KCNH7: variants seen among roughly 807,000 people sequenced by gnomAD.
The protein encoded by KCNH7 is voltage-gated inwardly rectifying potassium channel KCNH7.
Under a neutral mutation model 120.8 loss-of-function variants are expected in KCNH7, and 49 were observed. The ratio of observed to expected loss-of-function variants is 0.41; its 90% CI spans 0.32 to 0.51. The LOEUF is 0.51. KCNH7 is among the 20% of genes least tolerant of loss of function. The pLI, the probability that KCNH7 is intolerant of heterozygous loss-of-function variation, is 0.38. For missense variants in KCNH7, 1,097 were observed against 1,446.6 expected (o/e 0.76, Z 3.92); for synonymous variants, 547 against 516.1 (o/e 1.06, Z -0.81).
chr2:162,822,669 A>G (rs781123750), intron 2 of KCNH7, among the ~76,000 whole-genome samples: 1 of 152,252 alleles, frequency 6.6e-6, no homozygotes, highest in Non-Finnish European at 1.5e-5. Context: ...AATTATTTAA[A>G]GAAACTATTT....
At chr2:162,462,354 G>A (rs746680932) in intron 6 of KCNH7, among the ~76,000 whole-genome samples, 1 of 152,042 alleles carries the variant, frequency 6.6e-6, no homozygotes, top group African/African-American at 2.4e-5. Flanking sequence ...GTGTTTCATT[G>A]CTGTTTATTT....
At chr2:162,408,634 T>C (rs1176301852) in intron 9 of KCNH7, among the ~76,000 whole-genome samples, 1 of 151,924 alleles carries the variant, frequency 6.6e-6, no homozygotes, top group Non-Finnish European at 1.5e-5. Flanking sequence ...AGGAAAACAC[T>C]ATCTCCCCCT....
chr2:162,730,312 T>C (rs1173535847), intron 2 of KCNH7, among the ~76,000 whole-genome samples: 1 of 150,882 alleles, frequency 6.6e-6, no homozygotes, highest in Non-Finnish European at 1.5e-5. Context: ...TTCTCAGGTT[T>C]ATAAGTAAAA....
At chr2:162,745,231 G>A (rs553108449) in intron 2 of KCNH7, among the ~76,000 whole-genome samples, 1 of 152,224 alleles carries the variant, frequency 6.6e-6, no homozygotes, top group Non-Finnish European at 1.5e-5. Context: ...GAAATATGAA[G>A]CAATTTGACA....
chr2:162,422,910 G>T lies in KCNH7; in HGVS notation c.2154+426C>A, dbSNP rs547749738. ...CTCTCCTATAAGTTTTCAATTTCCT[G>T]TCTTTTAAAGTGTGTTAACCTGGGA... On this transcript the variant is annotated intron_variant, in intron 9 of 15. Transcript: ENST00000332142. Among the ~76,000 whole-genome samples the T allele has an allele frequency of 9.9e-5, 15 of 152,222 alleles. No homozygotes were observed. The South Asian group carries it at 3.1e-3, about 32-fold the overall frequency.
chr2:162,803,609 A>G (rs1684423562), intron 2 of KCNH7, among the ~76,000 whole-genome samples: 1 of 151,802 alleles, frequency 6.6e-6, no homozygotes, highest in African/African-American at 2.4e-5. Flanking sequence ...AAAAGTCATT[A>G]TTCATAGGCT....
intron 9 of KCNH7, among the ~76,000 whole-genome samples, chr2:162,403,346 T>G (rs889366632): frequency 6.6e-6 from 1 of 151,980 alleles, no homozygotes; most frequent in Non-Finnish European, 1.5e-5. Flanking sequence ...TTTCCTTGCA[T>G]CTCGCTATAA....
At chr2:162,426,370 C>T (rs1402929084) in intron 8 of KCNH7, among the ~76,000 whole-genome samples, 1 of 151,998 alleles carries the variant, frequency 6.6e-6, no homozygotes, top group Non-Finnish European at 1.5e-5. Flanking sequence ...GAATAAAATA[C>T]TTATGTTCTG....
At chr2:162,657,174 A>G (rs958427252) in intron 2 of KCNH7, among the ~76,000 whole-genome samples, 7 of 152,196 alleles carry the variant, frequency 4.6e-5, no homozygotes, top group Non-Finnish European at 8.8e-5. Context: ...TCCAAAGTCC[A>G]TAGTTTACTG....
intron 2 of KCNH7, among the ~76,000 whole-genome samples, chr2:162,733,101 T>C (rs1343447205): frequency 6.6e-6 from 1 of 152,160 alleles, no homozygotes; most frequent in African/African-American, 2.4e-5. Context: ...GCCAGGACTT[T>C]CCAGGAAGTG....
At chr2:162,772,214 G>T (rs919756780) in intron 2 of KCNH7, among the ~76,000 whole-genome samples, 1 of 152,166 alleles carries the variant, frequency 6.6e-6, no homozygotes, top group African/African-American at 2.4e-5. Context: ...TTAGAGAAAT[G>T]AGTTGAGGAC....
Position 162,518,274 on chromosome 2 carries a change from G to A in KCNH7, c.464-116C>T, listed in dbSNP as rs556884501. ...ATGTAAAAATAATTTTGAATCAATG[G>A]TTATAGTTGGAATAGAGGATATTGT... is the stretch of plus-strand genomic sequence containing the variant. On this transcript the variant is annotated intron_variant, in intron 3 of 15. Coordinates refer to ENST00000332142, the MANE Select transcript of KCNH7 (RefSeq NM_033272.4). 31 of 756,334 alleles carry A rather than the reference G, an allele frequency of 4.1e-5. No homozygotes were observed. The South Asian group carries it at 6.0e-4, about 15-fold the overall frequency. 46.9% of individuals were successfully genotyped at this position (756,334 alleles called of 1,614,324 possible). A position where few individuals can be genotyped will look rare whatever the true frequency, so the allele number is the denominator to read the frequency against.
chr2:162,416,911 G>A (rs1301170647), intron 9 of KCNH7, among the ~76,000 whole-genome samples: 1 of 152,090 alleles, frequency 6.6e-6, no homozygotes, highest in Non-Finnish European at 1.5e-5. Context: ...TAATGATTAT[G>A]TATTTTTTCC....
intron 2 of KCNH7, among the ~76,000 whole-genome samples, chr2:162,772,827 T>C (rs570177621): frequency 9.1e-4 from 138 of 152,358 alleles, no homozygotes; most frequent in Middle Eastern, 3.4e-3. Context: ...GAATATGATA[T>C]CATCCCTGTG....
intron 2 of KCNH7, among the ~76,000 whole-genome samples, chr2:162,672,288 G>A (rs1685387033): frequency 6.6e-6 from 1 of 152,010 alleles, no homozygotes; most frequent in Non-Finnish European, 1.5e-5. Flanking sequence ...AATTTCAAGA[G>A]ATTGAGTTTA....
chr2:162,516,445 A>G (rs888123885), intron 4 of KCNH7, among the ~76,000 whole-genome samples: 13 of 151,722 alleles, frequency 8.6e-5, no homozygotes, highest in Non-Finnish European at 1.3e-4. Context: ...CACGTGTTAC[A>G]TTTTTGGGAA....
chr2:162,416,736 G>A (rs1239768350), intron 9 of KCNH7, among the ~76,000 whole-genome samples: 1 of 152,102 alleles, frequency 6.6e-6, no homozygotes, highest in African/African-American at 2.4e-5. Flanking sequence ...TGTTAAAAAT[G>A]CATCATCAGA....
At chr2:162,655,219 AT>A (rs1282125649) in intron 2 of KCNH7, among the ~76,000 whole-genome samples, 1 of 152,210 alleles carries the variant, frequency 6.6e-6, no homozygotes, top group Non-Finnish European at 1.5e-5. Context: ...ATTTCAAAAC[AT>A]CATGTACATA....
intron 5 of KCNH7, among the ~76,000 whole-genome samples, chr2:162,507,575 A>G (rs1377695931): frequency 6.6e-6 from 1 of 151,508 alleles, no homozygotes; most frequent in African/African-American, 2.4e-5. Context: ...TTACATAACA[A>G]AGCATGTTTG....
Sources: gnomAD v4.1 joint callset for allele counts (sites outside exome capture counted in the v4.1 genomes callset) on GRCh38, gnomAD v4.1.1 for gene constraint, MANE v1.5 for transcripts, NCBI Gene and HGNC (gene_info 2026-07-23, HGNC 2026-07-21) for gene names.